DDX49: variants seen among roughly 807,000 people sequenced by gnomAD.
DDX49 encodes DEAD-box helicase 49.
A neutral mutation model predicts 56.3 loss-of-function variants in DDX49; 50 were observed. The observed-to-expected ratio is 0.89, with a 90% CI of 0.71 to 1.12. The LOEUF is 1.12. Ranked by LOEUF, DDX49 falls within the 50% of genes most tolerant of loss-of-function variation. The pLI, the probability that DDX49 is intolerant of heterozygous loss-of-function variation, is 0.00. For missense variants in DDX49, 614 were observed against 650.5 expected (o/e 0.94, Z 0.61); for synonymous variants, 269 against 270.6 (o/e 0.99, Z 0.06).
chr19:18,924,918 C>T lies in DDX49; in HGVS notation c.966C>T (p.Asn322=). 1 of 1,612,720 alleles carries T rather than the reference C, an allele frequency of 6.2e-7. No homozygotes were observed. ...LDIPTVQVVI[N]HNTPGLPKIY... ...TCCCTACGGTACAGGTGGTCATCAA[C>T]CACAACACCCCCGGGCTCCCCAAGA... Residue 322 remains asparagine, a synonymous_variant, in exon 9 of 13, where the codon AAC becomes AAT. Coordinates refer to ENST00000247003, the MANE Select transcript of DDX49 (RefSeq NM_019070.5).
rs1309120889 is a variant in DDX49, at chr19:18,926,385, G to T, written c.1102+8G>T. 1 of 1,551,422 alleles carries T rather than the reference G, an allele frequency of 6.4e-7. No homozygotes were observed. Among genetic ancestry groups the T allele is most frequent in the South Asian group, 1.2e-5 (1 of 84,114 alleles). On this transcript the variant is annotated splice_region_variant and intron_variant, in intron 10 of 12. Coordinates refer to ENST00000247003, the MANE Select transcript of DDX49 (RefSeq NM_019070.5). ...CCATCGAGGAGCAGATCAGTGAGTGGGGTTGGGGTGGGTGGTAGAGAAGGA... is the reference window on the plus strand; with the variant it reads ...CCATCGAGGAGCAGATCAGTGAGTGTGGTTGGGGTGGGTGGTAGAGAAGGA...
chr19:18,922,527 C>CCAGA lies in DDX49; in HGVS notation c.635+18_635+21dup. 6.3e-7 allele frequency: 1 copy of CCAGA among 1,598,122 alleles called. No homozygotes were observed. The highest frequency in any genetic ancestry group is 8.5e-7 in the Non-Finnish European group (1 of 1,173,126). ...AGCACAGGCCCCGTGAGTCCACAGC[C>CCAGA]CAGACAGCGTGGGGAGGGCAGCCCC... On this transcript the variant is annotated intron_variant, in intron 5 of 12. Coordinates refer to ENST00000247003, the MANE Select transcript of DDX49 (RefSeq NM_019070.5).
chr19:18,925,027 C>T (rs1601254001), intron 9 of DDX49, 48 bp downstream of exon 9: 4 of 1,587,092 alleles, frequency 2.5e-6, no homozygotes, highest in Non-Finnish European at 3.4e-6. Flanking sequence ...GTCCCTCCAG[C>T]CTGCCCAGCA....
At chr19:18,926,138 T>C (rs538104594) in intron 9 of DDX49, among the ~76,000 whole-genome samples, 165 bp from the exon 10 acceptor site, 1 of 152,300 alleles carries the variant, frequency 6.6e-6, no homozygotes, top group East Asian at 1.9e-4. Context: ...CACACAGTGG[T>C]CCTGCTTGGG....
chr19:18,927,901 G>C, intron 11 of DDX49, 47 bp downstream of exon 11: 1 of 1,613,842 alleles, frequency 6.2e-7, no homozygotes, highest in Non-Finnish European at 8.5e-7. Context: ...CCAGGGCCGG[G>C]GGTGCTCCCT....
Position 18,921,828 on chromosome 19 carries a change from T to C in DDX49, c.326-15T>C, listed in dbSNP as rs2231997. ...ACCACCTGCCCAGCCCTGCCTCTCA[T>C]GCTCTGTCCCCCAGACATGGTGGCC... On this transcript the variant is annotated splice_polypyrimidine_tract_variant and intron_variant, in intron 3 of 12. Transcript: ENST00000247003. 0.71 allele frequency: 1,140,358 copies of C among 1,613,716 alleles called. 410,774 individuals carry two copies. The highest frequency in any genetic ancestry group is 0.95 in the African/African-American group (71,405 of 75,052).
rs2056976728 is a variant in DDX49, at chr19:18,927,974, G to A, written c.1201G>A (p.Ala401Thr). 1.9e-6 allele frequency: 3 copies of A among 1,613,952 alleles called. No homozygotes were observed. The highest frequency in any genetic ancestry group is 2.5e-6 in the Non-Finnish European group (3 of 1,180,010). Residue 401 changes from alanine (A) to threonine (T), a missense_variant, in exon 12 of 13, where the codon GCG becomes ACG. Transcript: ENST00000247003. ...CACTTCCCTCCACCAGAAACTGGAG[G>A]CGGCCCACTTTGACGAAAAGAAGGA... is the stretch of plus-strand genomic sequence containing the variant. The part of the protein sequence containing the change: ...VRRECEIKLE[A>T]AHFDEKKEIN...
intron 1 of DDX49, 123 bp downstream of exon 1, chr19:18,919,979 A>G: frequency 1.5e-6 from 1 of 687,698 alleles, no homozygotes; most frequent in Non-Finnish European, 2.3e-6. Flanking sequence ...GTTACAGGAG[A>G]TCCGGGGTTC....
chr19:18,924,672 T>C lies in DDX49; in HGVS notation c.902T>C (p.Ile301Thr). ...LAKFKSSIYR[I>T]LIATDVASRG... ...AAGTTCAAGTCCAGCATCTACCGGA[T>C]CCTGATCGCAACAGACGTGGCCTCC... Residue 301 changes from isoleucine (I) to threonine (T), a missense_variant, in exon 8 of 13, where the codon ATC becomes ACC. By Grantham distance (89) the Ile-to-Thr change is moderately conservative. Coordinates refer to ENST00000247003, the MANE Select transcript of DDX49 (RefSeq NM_019070.5). 1 of 1,614,182 alleles carries C rather than the reference T, an allele frequency of 6.2e-7. No homozygotes were observed. The highest frequency in any genetic ancestry group is 8.5e-7 in the Non-Finnish European group (1 of 1,180,038).
chr19:18,919,738 A>T lies in DDX49; in HGVS notation c.-4A>T. ...ACAAGGGGCCCCTACAAGCGGCCAC[A>T]AGGATGGCAGGCTTCGCGGAGCTCG... On this transcript the variant is annotated 5_prime_UTR_variant, in exon 1 of 13. Coordinates refer to ENST00000247003, the MANE Select transcript of DDX49 (RefSeq NM_019070.5). The T allele has an allele frequency of 6.2e-7, 1 of 1,608,000 alleles. No homozygotes were observed. The highest frequency in any genetic ancestry group is 1.1e-5 in the South Asian group (1 of 90,940).
intron 9 of DDX49, among the ~76,000 whole-genome samples, chr19:18,925,666 G>A (rs1776984582): frequency 6.6e-6 from 1 of 152,230 alleles, no homozygotes; most frequent in Non-Finnish European, 1.5e-5. Context: ...GCAGTGTGGG[G>A]CTGCCCCCTG....
chr19:18,924,211 A>C (rs773680274), intron 6 of DDX49, 22 bp from the exon 7 acceptor site: 1 of 1,613,366 alleles, frequency 6.2e-7, no homozygotes, highest in Non-Finnish European at 8.5e-7. Flanking sequence ...GGAGGGGTTG[A>C]CAGGCACATC....
At chr19:18,925,893 C>T (rs2056956885) in intron 9 of DDX49, among the ~76,000 whole-genome samples, 1 of 152,026 alleles carries the variant, frequency 6.6e-6, no homozygotes, top group South Asian at 2.1e-4. Flanking sequence ...GTGACGTCCT[C>T]GTGGGGCTGC....
Position 18,924,680 on chromosome 19 carries a change from G to T in DDX49, c.910G>T (p.Ala304Ser). The T allele has an allele frequency of 6.2e-7, 1 of 1,614,204 alleles. No homozygotes were observed. ...GTCCAGCATCTACCGGATCCTGATC[G>T]CAACAGACGTGGCCTCCCGGTGAGC... ...FKSSIYRILIATDVASRGLDI... is the reference protein window; with the variant it reads ...FKSSIYRILISTDVASRGLDI... Residue 304 changes from alanine (A) to serine (S), a missense_variant, in exon 8 of 13, where the codon GCA (alanine) becomes TCA (serine). Ala to Ser is a moderately conservative substitution (Grantham distance 99). Transcript: ENST00000247003.
rs1285020203 is a variant in DDX49, at chr19:18,921,742, G to T, written c.319G>T (p.Gly107Cys). The T allele has an allele frequency of 6.2e-7, 1 of 1,614,126 alleles. No homozygotes were observed. The highest frequency in any genetic ancestry group is 1.7e-5 in the Admixed American group (1 of 60,012). Reference sequence around the variant, plus strand: ...GCTGAAAGACTGCATCATCGTCGGTGGCATGGGTACGGGAGCTGGGAGGCG... The same window carrying T: ...GCTGAAAGACTGCATCATCGTCGGTTGCATGGGTACGGGAGCTGGGAGGCG... ...LGLKDCIIVG[G>C]MDMVAQALEL... The change falls in exon 3 of 13, where the codon GGC becomes TGC. Residue 107 changes from glycine (G) to cysteine (C), a missense_variant. Physicochemically the swap from Gly to Cys is radical, Grantham distance 159. Transcript: ENST00000247003.
rs750290763 is a variant in DDX49 at position 18,921,767 on chromosome 19, G to C, written c.325+19G>C. ...GGCATGGGTACGGGAGCTGGGAGGC[G>C]GGGGAAGCCCCAGCATGGGACCCTA... On this transcript the variant is annotated intron_variant, in intron 3 of 12. Coordinates refer to ENST00000247003, the MANE Select transcript of DDX49 (RefSeq NM_019070.5). 17 of 1,613,994 alleles carry C rather than the reference G, an allele frequency of 1.1e-5. No individual in the cohort carries two copies. Among genetic ancestry groups the C allele is most frequent in the Non-Finnish European group, 1.4e-5 (17 of 1,179,932 alleles).
rs1407807329 is a variant in DDX49, at chr19:18,924,213, A to G, written c.777-20A>G. The G allele has an allele frequency of 2.5e-6, 4 of 1,613,358 alleles. No homozygotes were observed. Among genetic ancestry groups the G allele is most frequent in the Non-Finnish European group, 3.4e-6 (4 of 1,179,574 alleles). ...GAACCTGAGAGCTGGAGGGGTTGAC[A>G]GGCACATCCTTCCCGCCAGGACCTG... On this transcript the variant is annotated intron_variant, in intron 6 of 12. Coordinates refer to ENST00000247003, the MANE Select transcript of DDX49 (RefSeq NM_019070.5).
intron 7 of DDX49, 152 bp downstream of exon 7, chr19:18,924,460 C>A: frequency 9.2e-7 from 1 of 1,088,736 alleles, no homozygotes; most frequent in Non-Finnish European, 1.4e-6. Flanking sequence ...CCCTCCCTGA[C>A]CGCATCTCTT....
chr19:18,920,941 GAC>G lies in DDX49; in HGVS notation c.239+239_239+240del, dbSNP rs530260714. ...GGATCACTTGAGGCCAGGAGTTTGA[GAC>G]CAGCCTGACCAACATGGAGAAACCC... On this transcript the variant is annotated intron_variant, in intron 2 of 12. Coordinates refer to ENST00000247003, the MANE Select transcript of DDX49 (RefSeq NM_019070.5). The G allele has an allele frequency of 1.7e-3, 487 of 279,836 alleles. 6 individuals are homozygous for G. The Admixed American group carries it at 0.02, about 12-fold the overall frequency. The allele number at this position is 279,836 out of a possible 1,614,324, so 17.3% of individuals were successfully genotyped here. A position where few individuals can be genotyped will look rare whatever the true frequency, so the allele number is the denominator to read the frequency against.
Sources: allele counts gnomAD v4.1 joint callset (sites outside exome capture counted in the v4.1 genomes callset), GRCh38; gene constraint gnomAD v4.1.1; transcripts MANE v1.5; gene names NCBI Gene and HGNC (gene_info 2026-07-23, HGNC 2026-07-21).